CUX1: variants seen among roughly 807,000 people sequenced by gnomAD.
CUX1 encodes the protein protein CASP.
Under a neutral mutation model 158.8 loss-of-function variants are expected in CUX1, and 31 were observed. The observed-to-expected ratio is 0.20, with a 90% CI of 0.15 to 0.26. CUX1 has a LOEUF of 0.26. Among genes scored for constraint, CUX1 ranks in the 10% least tolerant of loss-of-function variants. The probability of loss-of-function intolerance (pLI) is 1.00; values close to 1 mark genes in which losing one functional copy is unlikely to be tolerated. For missense variants in CUX1, 1,589 were observed against 2,014.6 expected (o/e 0.79, Z 4.04); for synonymous variants, 879 against 862.1 (o/e 1.02, Z -0.34).
intron 1 of CUX1, among the ~76,000 whole-genome samples, chr7:101,868,973 T>A (rs554756152): frequency 6.6e-6 from 1 of 152,142 alleles, no homozygotes; most frequent in Non-Finnish European, 1.5e-5. Flanking sequence ...GGCCCCTGGA[T>A]GCCAGCAGAG....
chr7:101,882,271 C>A (rs1799797165), intron 1 of CUX1, among the ~76,000 whole-genome samples: 1 of 152,116 alleles, frequency 6.6e-6, no homozygotes, highest in South Asian at 2.1e-4. Context: ...GTAAGTAATC[C>A]ACTAACTTAG....
chr7:102,003,295 A>AACACACACACACACACACACACACACAC (rs56760446), intron 2 of CUX1, among the ~76,000 whole-genome samples: 15 of 131,972 alleles, frequency 1.1e-4, no homozygotes, highest in African/African-American at 4.4e-4. Flanking sequence ...CCTGGTGCCG[A>AACACACACACACACACACACACACACAC]ACACACACAC....
intron 1 of CUX1, among the ~76,000 whole-genome samples, chr7:101,910,006 G>A (rs1803238209): frequency 6.6e-6 from 1 of 152,070 alleles, no homozygotes; most frequent in African/African-American, 2.4e-5. Flanking sequence ...TGCAACCTCC[G>A]CCTCCCGAGT....
chr7:102,136,372 G>A (rs1833907027), intron 8 of CUX1, among the ~76,000 whole-genome samples: 1 of 151,076 alleles, frequency 6.6e-6, no homozygotes, highest in African/African-American at 2.4e-5. Flanking sequence ...TTTTCTGTAT[G>A]CATCTCGTCA....
intron 20 of CUX1, among the ~76,000 whole-genome samples, chr7:102,226,435 C>T (rs1458835533): frequency 6.6e-6 from 1 of 152,064 alleles, no homozygotes; most frequent in African/African-American, 2.4e-5. Flanking sequence ...CTCTTCACAA[C>T]AAAAAAACAG....
At chr7:102,169,580 G>A (rs1791487037) in intron 9 of CUX1, among the ~76,000 whole-genome samples, 1 of 152,226 alleles carries the variant, frequency 6.6e-6, no homozygotes. Flanking sequence ...GCACTTCCGT[G>A]GCTAGGGACC....
At chr7:102,262,844 C>T (rs1167369440), downstream of CUX1, among the ~76,000 whole-genome samples, 2 of 152,150 alleles carry the variant, frequency 1.3e-5, no homozygotes. Flanking sequence ...CGAAGGCTGA[C>T]CGTGGGCCGC....
chr7:101,820,514 T>A (rs1370527221), intron 1 of CUX1, among the ~76,000 whole-genome samples: 1 of 152,240 alleles, frequency 6.6e-6, no homozygotes, highest in African/African-American at 2.4e-5. Flanking sequence ...TAGAAATTAC[T>A]TAAGACCTAT....
chr7:102,071,751 G>A lies in CUX1; in HGVS notation c.268+1334G>A, dbSNP rs576648605. 2.0e-4 allele frequency among the ~76,000 whole-genome samples: 30 copies of A among 152,228 alleles called. No homozygotes were observed. The South Asian group carries it at 5.6e-3, about 28-fold the overall frequency. On this transcript the variant is annotated intron_variant, in intron 4 of 23. Coordinates refer to ENST00000292535, the MANE Select transcript of CUX1 (RefSeq NM_181552.4). Reference sequence around the variant, plus strand: ...ATTAATAGAGGTCACACCAAACACGGGATGGCAGAAAGCACTTCGGACAGG... The same window carrying A: ...ATTAATAGAGGTCACACCAAACACGAGATGGCAGAAAGCACTTCGGACAGG...
chr7:101,992,740 A>G (rs929460179), intron 2 of CUX1, among the ~76,000 whole-genome samples: 3 of 152,024 alleles, frequency 2.0e-5, no homozygotes, highest in African/African-American at 4.8e-5. Flanking sequence ...CAGGGGTGCA[A>G]TTTGGGGTGT....
At chr7:102,015,447 C>T (rs1320661021) in intron 2 of CUX1, among the ~76,000 whole-genome samples, 1 of 152,032 alleles carries the variant, frequency 6.6e-6, no homozygotes, top group South Asian at 2.1e-4. Flanking sequence ...AGGCTGGTCT[C>T]GAACTCCTGA....
chr7:102,255,742 G>A lies in CUX1; in HGVS notation c.*6700G>A, dbSNP rs1789824906. 1.0e-6 allele frequency: 1 copy of A among 984,590 alleles called. No homozygotes were observed. The highest frequency in any genetic ancestry group is 6.2e-5 in the Admixed American group (1 of 16,234). The allele number at this position is 984,590 out of a possible 1,614,324, so 61.0% of individuals were successfully genotyped here. On this transcript the variant is annotated 3_prime_UTR_variant, in exon 24 of 24. Coordinates refer to ENST00000292535, the MANE Select transcript of CUX1 (RefSeq NM_181552.4). ...ATTGGGACTTCTGCTGGTGAAACAAGAGACCATTCAGCAAGACACATTGAA... is the reference window on the plus strand; with the variant it reads ...ATTGGGACTTCTGCTGGTGAAACAAAAGACCATTCAGCAAGACACATTGAA...
intron 2 of CUX1, among the ~76,000 whole-genome samples, chr7:101,965,765 C>T (rs914707977): frequency 7.3e-6 from 1 of 137,094 alleles, no homozygotes; most frequent in Non-Finnish European, 1.5e-5. Flanking sequence ...AGGAGAATGG[C>T]GTGAACCCGG....
intron 3 of CUX1, among the ~76,000 whole-genome samples, chr7:102,051,348 T>TG (rs1174877403): frequency 2.0e-5 from 3 of 150,296 alleles, no homozygotes; most frequent in African/African-American, 7.4e-5. Context: ...CATTTGTGTT[T>TG]GAAAAAAAAA....
intron 6 of CUX1, among the ~76,000 whole-genome samples, chr7:102,105,504 CTTTTTT>C (rs781922611): frequency 1.2e-5 from 1 of 85,878 alleles, no homozygotes; most frequent in Non-Finnish European, 2.1e-5. Context: ...CCATATAGAT[CTTTTTT>C]TTTTTTTTTT....
intron 2 of CUX1, among the ~76,000 whole-genome samples, chr7:101,998,760 C>T (rs1294422156): frequency 2.0e-5 from 3 of 152,162 alleles, no homozygotes; most frequent in East Asian, 1.9e-4. Context: ...AGGATCCTGG[C>T]GAGGATGCTG....
intron 2 of CUX1, among the ~76,000 whole-genome samples, chr7:102,017,290 C>CAAAAAAAAAAGTCTCAA (rs1818727796): frequency 7.6e-6 from 1 of 131,638 alleles, no homozygotes; most frequent in Non-Finnish European, 1.6e-5. Context: ...GACTCCATCT[C>CAAAAAAAAAAGTCTCAA]AAAAAAAAAA....
chr7:101,824,642 G>A (rs1399389982), intron 1 of CUX1: 1 of 152,230 alleles, frequency 6.6e-6, no homozygotes, highest in East Asian at 1.9e-4. Context: ...GCCTCCGGGT[G>A]TTACCTGGAG....
chr7:102,061,520 G>A (rs1353538819), intron 3 of CUX1, among the ~76,000 whole-genome samples: 1 of 152,300 alleles, frequency 6.6e-6, no homozygotes, highest in East Asian at 1.9e-4. Context: ...CAACCAAGAT[G>A]TATCTCCCCA....
Sources: gnomAD v4.1 joint callset for allele counts (sites outside exome capture counted in the v4.1 genomes callset) on GRCh38, gnomAD v4.1.1 for gene constraint, MANE v1.5 for transcripts, NCBI Gene and HGNC (gene_info 2026-07-23, HGNC 2026-07-21) for gene names.